The following RNF216 variants were observed in gnomAD, a reference collection of about 807,000 sequenced individuals.
The protein encoded by RNF216 is ring finger protein 216, also known as E3 ubiquitin-protein ligase RNF216.
A neutral mutation model predicts 110.8 loss-of-function variants in RNF216; 72 were observed. The observed-to-expected ratio is 0.65, with a 90% CI of 0.54 to 0.79. The LOEUF is 0.79. RNF216 is among the 30% of genes least tolerant of loss of function. The pLI is 0.00. For missense variants in RNF216, 1,342 were observed against 1,141.2 expected (o/e 1.18, Z -2.54); for synonymous variants, 495 against 407.5 (o/e 1.21, Z -2.59).
At chr7:5,722,424 C>T (rs1390215813) in intron 8 of RNF216, among the ~76,000 whole-genome samples, 2 of 149,112 alleles carry the variant, frequency 1.3e-5, no homozygotes, top group Admixed American at 6.7e-5. Flanking sequence ...GAGTCTCACT[C>T]TGTTGCCCAG....
At chr7:5,735,343 C>G (rs1263270307) in intron 5 of RNF216, among the ~76,000 whole-genome samples, 3 of 151,948 alleles carry the variant, frequency 2.0e-5, no homozygotes, top group African/African-American at 7.3e-5. Flanking sequence ...AAACTAGGCA[C>G]CATGGGAGCC....
At chr7:5,669,990 G>T (rs896831186) in intron 13 of RNF216, among the ~76,000 whole-genome samples, 2 of 151,696 alleles carry the variant, frequency 1.3e-5, no homozygotes, top group African/African-American at 4.8e-5. Context: ...GCAGTGGCGC[G>T]ATCTTGGCTC....
chr7:5,664,865 G>C (rs573985828), intron 13 of RNF216, among the ~76,000 whole-genome samples: 1 of 152,006 alleles, frequency 6.6e-6, no homozygotes, highest in Non-Finnish European at 1.5e-5. Flanking sequence ...GCACAATCTT[G>C]GCTCACCGCA....
chr7:5,743,622 A>G (rs1015438562), intron 3 of RNF216, among the ~76,000 whole-genome samples: 2 of 152,224 alleles, frequency 1.3e-5, no homozygotes, highest in African/African-American at 4.8e-5. Flanking sequence ...ACACAAACAA[A>G]ATCATTTCTA....
chr7:5,716,573 G>A, intron 10 of RNF216, 143 bp downstream of exon 10: 1 of 607,362 alleles, frequency 1.6e-6, no homozygotes, highest in Non-Finnish European at 3.0e-6. Flanking sequence ...TCACGTATCT[G>A]ACTATAACTT....
chr7:5,638,830 T>A (rs1407707633), intron 15 of RNF216, among the ~76,000 whole-genome samples: 2 of 152,106 alleles, frequency 1.3e-5, no homozygotes, highest in Non-Finnish European at 2.9e-5. Context: ...GATGGGGGTC[T>A]CACTATGTTG....
At chr7:5,703,909 C>T (rs1029369803) in intron 13 of RNF216, among the ~76,000 whole-genome samples, 1 of 152,192 alleles carries the variant, frequency 6.6e-6, no homozygotes, top group Non-Finnish European at 1.5e-5. Context: ...AAAGACTCAA[C>T]AGTGAAACTT....
chr7:5,703,364 G>A (rs903395882), intron 13 of RNF216, among the ~76,000 whole-genome samples: 4 of 152,230 alleles, frequency 2.6e-5, no homozygotes, highest in African/African-American at 9.6e-5. Context: ...AAATTAGAGT[G>A]CTGTTAATAA....
intron 13 of RNF216, among the ~76,000 whole-genome samples, chr7:5,710,617 C>A (rs1279109016): frequency 6.6e-6 from 1 of 152,230 alleles, no homozygotes; most frequent in African/African-American, 2.4e-5. Context: ...CACCTCAGGA[C>A]AGTGTGCTGC....
chr7:5,698,794 C>T (rs1791790762), intron 13 of RNF216, among the ~76,000 whole-genome samples: 1 of 152,198 alleles, frequency 6.6e-6, no homozygotes, highest in Non-Finnish European at 1.5e-5. Flanking sequence ...AGAGAAACTA[C>T]ACAGGAAACC....
At chr7:5,702,681 T>A (rs986545284) in intron 13 of RNF216, among the ~76,000 whole-genome samples, 3 of 152,186 alleles carry the variant, frequency 2.0e-5, no homozygotes, top group African/African-American at 7.2e-5. Context: ...ACCAAAACCT[T>A]CCCAGGATCA....
chr7:5,752,073 T>G (rs1795360747), intron 3 of RNF216, among the ~76,000 whole-genome samples: 1 of 151,878 alleles, frequency 6.6e-6, no homozygotes, highest in Non-Finnish European at 1.5e-5. Context: ...TAATCCCAGC[T>G]ACTCAGGAGG....
intron 13 of RNF216, among the ~76,000 whole-genome samples, chr7:5,656,939 T>A (rs1460077461): frequency 6.6e-6 from 1 of 152,178 alleles, no homozygotes; most frequent in East Asian, 1.9e-4. Flanking sequence ...CTTGAGACCT[T>A]TGGGTCTGTT....
chr7:5,719,001 G>A (rs188082292), intron 9 of RNF216, among the ~76,000 whole-genome samples: 4 of 152,302 alleles, frequency 2.6e-5, no homozygotes, highest in East Asian at 1.9e-4. Context: ...TATAAGCACC[G>A]AGATTTATTT....
chr7:5,733,666 A>C (rs116146801), intron 5 of RNF216, among the ~76,000 whole-genome samples: 3,502 of 149,050 alleles, frequency 0.023, 146 homozygotes, highest in African/African-American at 0.081. Flanking sequence ...CATTAACCAA[A>C]AAAAAAAAAA....
intron 9 of RNF216, among the ~76,000 whole-genome samples, chr7:5,718,165 A>G (rs2161012): frequency 0.98 from 149,985 of 152,314 alleles, 73,860 homozygotes; most frequent in African/African-American, 0.99. Context: ...GGGATTGCTT[A>G]AGGTCAGGAG....
At chr7:5,670,224 G>A (rs1037198792) in intron 13 of RNF216, among the ~76,000 whole-genome samples, 92 of 152,170 alleles carry the variant, frequency 6.0e-4, no homozygotes, top group African/African-American at 2.2e-3. Flanking sequence ...GTGAGCTACC[G>A]TGCCTGCCCT....
rs537409750 is a variant in RNF216, at chr7:5,660,182, G to C, written c.2062-7672C>G. 4.8e-5 allele frequency among the ~76,000 whole-genome samples: 7 copies of C among 146,914 alleles called. No homozygotes were observed. The South Asian group carries it at 6.5e-4, about 14-fold the overall frequency. ...TTCCCAGGGTGCTCTCAAATTTCTG[G>C]GCTCAAGCGATCTGCCCACCATGGC... On this transcript the variant is annotated intron_variant, in intron 13 of 16. Coordinates refer to ENST00000389902, the MANE Select transcript of RNF216 (RefSeq NM_207111.4).
In RNF216 at chr7:5,641,360, C is replaced by T. The variant is rs1787722008; in HGVS notation, c.2176G>A (p.Ala726Thr). 2 of 1,613,002 alleles carry T rather than the reference C, an allele frequency of 1.2e-6. No homozygotes were observed. Among genetic ancestry groups the T allele is most frequent in the Non-Finnish European group, 1.7e-6 (2 of 1,179,424 alleles). ...TTGTGGCATTTTCTAATGCGGGCAGCAGTCATTTTTTCTTCACTGAAATAA... is the reference window on the plus strand; with the variant it reads ...TTGTGGCATTTTCTAATGCGGGCAGTAGTCATTTTTTCTTCACTGAAATAA... ...YRTSIEEKMTAARIRKCHKCG... is the reference protein window; with the variant it reads ...YRTSIEEKMTTARIRKCHKCG... Residue 726 changes from alanine to threonine, a missense_variant, in exon 15 of 17, where the codon GCT becomes ACT. Physicochemically the swap from Ala to Thr is moderately conservative, Grantham distance 58. Transcript: ENST00000389902.
Sources: gnomAD v4.1 joint callset for allele counts (sites outside exome capture counted in the v4.1 genomes callset) on GRCh38, gnomAD v4.1.1 for gene constraint, MANE v1.5 for transcripts, NCBI Gene and HGNC (gene_info 2026-07-23, HGNC 2026-07-21) for gene names.